Variants in DMD observed in about 807,000 individuals in gnomAD.
The protein encoded by DMD is mutant dystrophin.
DMD carries 63 observed loss-of-function variants against 330.1 expected under a neutral mutation model. The observed-to-expected ratio is 0.19, with a 90% CI of 0.16 to 0.24. The LOEUF (loss-of-function observed/expected upper bound fraction) is 0.24. DMD is among the 10% of genes least tolerant of loss of function. The pLI, the probability that DMD is intolerant of heterozygous loss-of-function variation, is 1.00. For synonymous variants in DMD, 1,223 were observed against 959.8 expected (o/e 1.27, Z -5.07); for missense variants, 3,344 against 2,684.1 (o/e 1.25, Z -5.43).
intron 17 of DMD, among the ~76,000 whole-genome samples, chrX:32,539,425 G>A (rs1485000260): frequency 1.8e-5 from 2 of 110,491 alleles, no homozygotes; most frequent in African/African-American, 6.6e-5. Flanking sequence ...CATCTAAAAT[G>A]TTTTGTTTCT....
At chrX:31,506,528 T>G (rs1022364028) in intron 56 of DMD, among the ~76,000 whole-genome samples, 1 of 112,392 alleles carries the variant, frequency 8.9e-6, no homozygotes, top group African/African-American at 3.2e-5. Context: ...TAAGTTACAA[T>G]GGGCGTTTTA....
intron 48 of DMD, among the ~76,000 whole-genome samples, chrX:31,859,245 G>C (rs1426788410): frequency 9.0e-6 from 1 of 111,316 alleles, no homozygotes; most frequent in East Asian, 2.8e-4. Context: ...AGCAGGAGGA[G>C]AGCAAGGAAA....
chrX:32,690,951 G>C (rs2063235343), intron 9 of DMD, among the ~76,000 whole-genome samples: 1 of 108,834 alleles, frequency 9.2e-6, no homozygotes, highest in East Asian at 2.8e-4. Context: ...AAAAGCACAA[G>C]CAATAAAAGC....
intron 59 of DMD, among the ~76,000 whole-genome samples, chrX:31,463,821 G>C (rs1368688062): frequency 9.0e-6 from 1 of 110,956 alleles, no homozygotes; most frequent in East Asian, 2.8e-4. Context: ...AAACTAAGAT[G>C]CCATCTATAC....
intron 1 of DMD, among the ~76,000 whole-genome samples, chrX:33,275,547 C>A (rs2053220726): frequency 9.0e-6 from 1 of 111,694 alleles, no homozygotes; most frequent in South Asian, 3.7e-4. Flanking sequence ...CTGAGACATA[C>A]CATAATTATG....
At chrX:32,156,208 C>T (rs1306208134) in intron 44 of DMD, among the ~76,000 whole-genome samples, 5 of 110,861 alleles carry the variant, frequency 4.5e-5, no homozygotes, top group East Asian at 5.7e-4. Flanking sequence ...GGTGAAAACC[C>T]GTCTCTACTA....
intron 44 of DMD, among the ~76,000 whole-genome samples, chrX:32,043,002 C>A (rs1045967550): frequency 8.9e-6 from 1 of 111,951 alleles, no homozygotes; most frequent in African/African-American, 3.2e-5. Flanking sequence ...AAATAACTAA[C>A]AGAGTATAAT....
At chrX:32,415,143 A>G (rs1472455001) in intron 29 of DMD, among the ~76,000 whole-genome samples, 1 of 112,338 alleles carries the variant, frequency 8.9e-6, no homozygotes, top group Non-Finnish European at 1.9e-5. Context: ...GCTAAAGGCA[A>G]AAACAGTGTA....
At chrX:33,072,000 C>A (rs1314411272) in intron 1 of DMD, among the ~76,000 whole-genome samples, 1 of 112,137 alleles carries the variant, frequency 8.9e-6, no homozygotes, top group Middle Eastern at 4.2e-3. Flanking sequence ...CTATTTAGTG[C>A]CATTTAGAGG....
chrX:33,072,555 C>G (rs1028984969), intron 1 of DMD, among the ~76,000 whole-genome samples: 3 of 111,818 alleles, frequency 2.7e-5, no homozygotes, highest in African/African-American at 9.8e-5. Flanking sequence ...TTGAACATGT[C>G]AGAATCTTCT....
intron 52 of DMD, among the ~76,000 whole-genome samples, chrX:31,722,204 C>T (rs1480514653): frequency 1.8e-5 from 2 of 110,147 alleles, no homozygotes; most frequent in Non-Finnish European, 3.8e-5. Flanking sequence ...GTGCAACCTC[C>T]GCCTCCCGGG....
intron 44 of DMD, among the ~76,000 whole-genome samples, chrX:32,105,794 CAGTT>C (rs1293768516): frequency 2.7e-5 from 3 of 111,558 alleles, no homozygotes; most frequent in African/African-American, 9.7e-5. Flanking sequence ...ATTACAAGGT[CAGTT>C]AGATGTCAAT....
At chrX:31,952,472 T>C (rs1450962014) in intron 45 of DMD, among the ~76,000 whole-genome samples, 2 of 109,789 alleles carry the variant, frequency 1.8e-5, no homozygotes, top group African/African-American at 6.6e-5. Flanking sequence ...TCTGTCTTAC[T>C]ATCTGCTCTT....
At chrX:32,377,283 T>C (rs1274847042) in intron 34 of DMD, among the ~76,000 whole-genome samples, 1 of 111,832 alleles carries the variant, frequency 8.9e-6, no homozygotes, top group South Asian at 3.7e-4. Flanking sequence ...AGTAAGAGAG[T>C]ACTACTGAGC....
chrX:31,887,176 C>T (rs1192981906), intron 47 of DMD, among the ~76,000 whole-genome samples: 5 of 111,901 alleles, frequency 4.5e-5, no homozygotes, highest in Non-Finnish European at 9.4e-5. Flanking sequence ...TATATGAGTG[C>T]AAAAGAAGGT....
chrX:32,876,356 T>C (rs773697360), intron 2 of DMD, among the ~76,000 whole-genome samples: 13 of 112,221 alleles, frequency 1.2e-4, no homozygotes, highest in Non-Finnish European at 2.4e-4. Context: ...TTATCCAATT[T>C]AGTCTATGTA....
At chrX:32,607,569 A>C (rs1489934050) in intron 12 of DMD, among the ~76,000 whole-genome samples, 1 of 110,449 alleles carries the variant, frequency 9.1e-6, no homozygotes, top group Non-Finnish European at 1.9e-5. Flanking sequence ...TTCTGTTCAT[A>C]ACAGAAATAT....
chrX:32,712,742 C>A (rs1031740461), intron 7 of DMD, among the ~76,000 whole-genome samples: 3 of 111,009 alleles, frequency 2.7e-5, no homozygotes, highest in Non-Finnish European at 5.7e-5. Flanking sequence ...TTCTGCAGTC[C>A]ATCATAGGTT....
intron 2 of DMD, among the ~76,000 whole-genome samples, chrX:32,935,892 A>T (rs2089984112): frequency 9.0e-6 from 1 of 111,476 alleles, no homozygotes; most frequent in East Asian, 2.8e-4. Context: ...ATAATCCATA[A>T]ATCTCATTTT....
Sources: gnomAD v4.1 joint callset for allele counts (sites outside exome capture counted in the v4.1 genomes callset) on GRCh38, gnomAD v4.1.1 for gene constraint, MANE v1.5 for transcripts, NCBI Gene and HGNC (gene_info 2026-07-23, HGNC 2026-07-21) for gene names.